Variants in CTNNA2 observed in about 807,000 individuals in gnomAD.
CTNNA2 encodes catenin alpha-2.
A neutral mutation model predicts 101.0 loss-of-function variants in CTNNA2; 42 were observed. The ratio of observed to expected loss-of-function variants is 0.42; its 90% confidence interval spans 0.32 to 0.54. The LOEUF is 0.54. Among genes scored for constraint, CTNNA2 ranks in the 20% least tolerant of loss-of-function variants. CTNNA2 has a pLI of 0.14. For synonymous variants in CTNNA2, 450 were observed against 456.4 expected, an observed-to-expected ratio of 0.99 and a Z score of 0.18; for missense variants, 871 against 1,223.1, an observed-to-expected ratio of 0.71 and a Z score of 4.29.
intron 1 of CTNNA2, among the ~76,000 whole-genome samples, chr2:79,612,726 T>C (rs1375673728): frequency 6.6e-6 from 1 of 152,022 alleles, no homozygotes; most frequent in Non-Finnish European, 1.5e-5. Flanking sequence ...ACATAATTTA[T>C]CCCTAATAAC....
At chr2:79,483,731 C>A (rs1671131748) in intron 4 of CTNNA2, among the ~76,000 whole-genome samples, 1 of 152,144 alleles carries the variant, frequency 6.6e-6, no homozygotes, top group Non-Finnish European at 1.5e-5. Context: ...GCTGCGAATG[C>A]TATTATTTCA....
intron 15 of CTNNA2, among the ~76,000 whole-genome samples, chr2:80,599,794 T>A (rs1697313559): frequency 6.6e-6 from 1 of 151,902 alleles, no homozygotes; most frequent in Non-Finnish European, 1.5e-5. Flanking sequence ...TATTTATTTT[T>A]ATACTTTTTA....
intron 3 of CTNNA2, among the ~76,000 whole-genome samples, chr2:79,365,696 TTTG>T (rs1677733887): frequency 1.3e-5 from 2 of 152,116 alleles, no homozygotes; most frequent in Non-Finnish European, 2.9e-5. Flanking sequence ...TTCCAGGTTT[TTTG>T]TTTTTTGTTT....
At chr2:79,486,180 C>A (rs963747215) in intron 4 of CTNNA2, among the ~76,000 whole-genome samples, 3 of 151,816 alleles carry the variant, frequency 2.0e-5, no homozygotes, top group Non-Finnish European at 2.9e-5. Flanking sequence ...CCCATTAACT[C>A]GTCATTTAAC....
chr2:80,406,801 T>C (rs1421740593), intron 8 of CTNNA2, among the ~76,000 whole-genome samples: 1 of 124,576 alleles, frequency 8.0e-6, no homozygotes, highest in African/African-American at 3.1e-5. Flanking sequence ...CACTCCAGCC[T>C]GGGCGACAGA....
At chr2:79,344,402 TA>T (rs1677208885) in intron 3 of CTNNA2, among the ~76,000 whole-genome samples, 1 of 152,224 alleles carries the variant, frequency 6.6e-6, no homozygotes, top group African/African-American at 2.4e-5. Flanking sequence ...TCAGTGATAT[TA>T]CAATCTCTGA....
intron 2 of CTNNA2, among the ~76,000 whole-genome samples, chr2:79,276,833 G>T (rs1244747009): frequency 6.6e-6 from 1 of 151,934 alleles, no homozygotes; most frequent in East Asian, 1.9e-4. Flanking sequence ...ATTAAATGTT[G>T]TTTACATGAG....
At chr2:79,879,894 A>G (rs757648092) in intron 6 of CTNNA2, among the ~76,000 whole-genome samples, 25 of 151,976 alleles carry the variant, frequency 1.6e-4, no homozygotes, top group Non-Finnish European at 2.9e-4. Flanking sequence ...TTTGTTATGT[A>G]TTGGTTTCCA....
intron 7 of CTNNA2, among the ~76,000 whole-genome samples, chr2:80,078,346 G>C (rs555351994): frequency 6.6e-6 from 1 of 152,286 alleles, no homozygotes; most frequent in South Asian, 2.1e-4. Flanking sequence ...ACCAGTGAAG[G>C]TTCCTGGAGG....
At chr2:80,572,112 G>T (rs1222610013) in intron 12 of CTNNA2, among the ~76,000 whole-genome samples, 1 of 152,090 alleles carries the variant, frequency 6.6e-6, no homozygotes, top group East Asian at 1.9e-4. Flanking sequence ...TGTAACCATT[G>T]TTCTCCCATC....
chr2:79,407,874 T>C (rs1678357485), intron 4 of CTNNA2, among the ~76,000 whole-genome samples: 1 of 152,098 alleles, frequency 6.6e-6, no homozygotes, highest in Admixed American at 6.6e-5. Flanking sequence ...AAAACATGTA[T>C]GTGTACAGTT....
chr2:79,884,131 C>A (rs1683657554), intron 6 of CTNNA2, among the ~76,000 whole-genome samples: 1 of 152,280 alleles, frequency 6.6e-6, no homozygotes, highest in South Asian at 2.1e-4. Flanking sequence ...TACACATTAT[C>A]TTGACTTCTT....
At chr2:80,377,915 T>G (rs1676116521) in intron 7 of CTNNA2, among the ~76,000 whole-genome samples, 1 of 152,234 alleles carries the variant, frequency 6.6e-6, no homozygotes, top group Non-Finnish European at 1.5e-5. Context: ...CTTAACATTC[T>G]TTGACTCCCA....
At chr2:80,628,530 C>T (rs1378456052) in intron 18 of CTNNA2, among the ~76,000 whole-genome samples, 1 of 151,766 alleles carries the variant, frequency 6.6e-6, no homozygotes, top group East Asian at 2.0e-4. Context: ...TAACCATATG[C>T]AGAAAGCTGA....
intron 7 of CTNNA2, among the ~76,000 whole-genome samples, chr2:80,170,307 A>T (rs1341385759): frequency 6.6e-6 from 1 of 151,864 alleles, no homozygotes; most frequent in Non-Finnish European, 1.5e-5. Context: ...GCCTACTATC[A>T]GGAGGCCAAG....
At chr2:80,161,170 C>A (rs1573259823) in intron 7 of CTNNA2, among the ~76,000 whole-genome samples, 2 of 152,092 alleles carry the variant, frequency 1.3e-5, no homozygotes, top group East Asian at 3.9e-4. Flanking sequence ...CGCATGCCAC[C>A]ACACCCAGCT....
chr2:79,324,447 G>C (rs1212806005), intron 3 of CTNNA2, among the ~76,000 whole-genome samples: 1 of 152,158 alleles, frequency 6.6e-6, no homozygotes, highest in Non-Finnish European at 1.5e-5. Context: ...CATAAGAAAG[G>C]TGGTTTGGGT....
At chr2:79,686,386 A>G (rs968824258) in intron 2 of CTNNA2, among the ~76,000 whole-genome samples, 6 of 152,276 alleles carry the variant, frequency 3.9e-5, no homozygotes, top group African/African-American at 1.2e-4. Flanking sequence ...TTCCTGCTCA[A>G]CCCTCTAGAA....
intron 3 of CTNNA2, among the ~76,000 whole-genome samples, chr2:79,818,487 T>C (rs1306570398): frequency 2.0e-5 from 3 of 151,654 alleles, no homozygotes; most frequent in African/African-American, 7.3e-5. Context: ...TTATTTTTTT[T>C]TGTATTTTTA....
Sources: gnomAD v4.1 joint callset for allele counts (sites outside exome capture counted in the v4.1 genomes callset) on GRCh38, gnomAD v4.1.1 for gene constraint, MANE v1.5 for transcripts, NCBI Gene and HGNC (gene_info 2026-07-23, HGNC 2026-07-21) for gene names.